Variants in PEBP1 observed in about 807,000 individuals in gnomAD.
PEBP1 encodes phosphatidylethanolamine-binding protein 1.
PEBP1 carries 17 observed loss-of-function variants against 22.7 expected under a neutral mutation model. The observed-to-expected ratio is 0.75, with a 90% CI of 0.51 to 1.12. PEBP1 has a LOEUF of 1.12. PEBP1 is among the 50% of genes most tolerant of loss of function. The pLI is 0.00. For missense variants in PEBP1, 205 were observed against 243.5 expected, an observed-to-expected ratio of 0.84 and a Z score of 1.05; for synonymous variants, 106 against 104.3, an observed-to-expected ratio of 1.02 and a Z score of -0.10.
chr12:118,137,989 T>A (rs772307154), intron 1 of PEBP1, 50 bp from the exon 2 acceptor site: 2 of 1,296,624 alleles, frequency 1.5e-6, no homozygotes, highest in Admixed American at 1.8e-5. Flanking sequence ...ACCCAGCCAG[T>A]TTCTTCAGCA....
At position 118,139,519 on chromosome 12, in the gene PEBP1, A is replaced by T; in HGVS notation, c.314A>T (p.Asp105Val). 3 of 1,613,298 alleles carry T rather than the reference A, an allele frequency of 1.9e-6. No homozygotes were observed. The highest frequency in any genetic ancestry group is 2.5e-6 in the Non-Finnish European group (3 of 1,179,614). ...ATCAGCAGTGGCACAGTCCTCTCCGATTATGTGGGCTCGGGGCCTCCCAAG... is the reference window on the plus strand; with the variant it reads ...ATCAGCAGTGGCACAGTCCTCTCCGTTTATGTGGGCTCGGGGCCTCCCAAG... ...NDISSGTVLS[D>V]YVGSGPPKGT... Residue 105 changes from aspartate to valine, a missense_variant, in exon 3 of 4, where the codon GAT becomes GTT. Coordinates refer to ENST00000261313, the MANE Select transcript of PEBP1 (RefSeq NM_002567.4).
intron 3 of PEBP1, among the ~76,000 whole-genome samples, 165 bp downstream of exon 3, chr12:118,139,716 T>C (rs535818064): frequency 6.6e-6 from 1 of 152,246 alleles, no homozygotes; most frequent in African/African-American, 2.4e-5. Flanking sequence ...CCTGCAGCAG[T>C]GTCAGGTGGC....
At position 118,144,827 on chromosome 12, in the gene PEBP1, T is replaced by G. The variant is rs766486043; in HGVS notation, c.*24T>G. ...AGGGGGTTAGCTTGGGGACCTGAAC[T>G]GTCCTGGAGGCCCCAAGCCATGTTC... On this transcript the variant is annotated 3_prime_UTR_variant, in exon 4 of 4. Transcript: ENST00000261313. 7 of 1,613,308 alleles carry G rather than the reference T, an allele frequency of 4.3e-6. No individual in the cohort carries two copies. In the East Asian group the frequency reaches 1.1e-4, roughly 26 times the overall value.
At chr12:118,142,179 T>C (rs1333133014) in intron 3 of PEBP1, among the ~76,000 whole-genome samples, 4 of 151,022 alleles carry the variant, frequency 2.6e-5, no homozygotes, top group Non-Finnish European at 4.4e-5. Flanking sequence ...GCATTCTTTT[T>C]TTTTTTTTTT....
At chr12:118,138,998 G>T (rs1393589922) in intron 2 of PEBP1, 4 of 166,018 alleles carry the variant, frequency 2.4e-5, no homozygotes. Context: ...GCAAACACAT[G>T]AGGTTCGTGC....
rs2034146494 is a variant in PEBP1, at chr12:118,145,164, G to A, written c.*361G>A. ...AAAGCATCAAAGAATCTTTAAGGGA[G>A]GTTTAAAAAAAAAAAAAAAAAAAAA... On this transcript the variant is annotated 3_prime_UTR_variant, in exon 4 of 4. Transcript: ENST00000261313. 3.9e-5 allele frequency: 10 copies of A among 258,636 alleles called. No individual in the cohort carries two copies. Among genetic ancestry groups the A allele is most frequent in the South Asian group, 7.9e-5 (2 of 25,278 alleles). The allele number at this position is 258,636 out of a possible 1,614,324, so 16.0% of individuals were successfully genotyped here.
intron 3 of PEBP1, among the ~76,000 whole-genome samples, chr12:118,140,283 G>A (rs1227301803): frequency 6.6e-6 from 1 of 152,096 alleles, no homozygotes; most frequent in Non-Finnish European, 1.5e-5. Flanking sequence ...TTTTTGTACA[G>A]CTTATCCAGC....
chr12:118,144,580 C>T lies in PEBP1; in HGVS notation c.347-6C>T. The T allele has an allele frequency of 6.2e-7, 1 of 1,610,300 alleles. No homozygotes were observed. Among genetic ancestry groups the T allele is most frequent in the Non-Finnish European group, 8.5e-7 (1 of 1,178,368 alleles). ...GTGTACATCTTCCCTCTGCCTCTCC[C>T]CACAGGCCTCCACCGCTATGTCTGG... On this transcript the variant is annotated splice_region_variant and splice_polypyrimidine_tract_variant and intron_variant, in intron 3 of 3. Transcript: ENST00000261313.
At chr12:118,141,385 G>A (rs2034112920) in intron 3 of PEBP1, among the ~76,000 whole-genome samples, 1 of 152,282 alleles carries the variant, frequency 6.6e-6, no homozygotes, top group South Asian at 2.1e-4. Context: ...AAAGTGCTGG[G>A]ATTACAGGCG....
intron 3 of PEBP1, among the ~76,000 whole-genome samples, chr12:118,140,056 GCA>G (rs3074167): frequency 0.46 from 69,677 of 151,084 alleles, 17,136 homozygotes; most frequent in African/African-American, 0.64. Flanking sequence ...TATTGAAGGC[GCA>G]CACACACACA....
intron 3 of PEBP1, among the ~76,000 whole-genome samples, chr12:118,143,905 CAAAA>C (rs5801270): frequency 8.9e-6 from 1 of 112,260 alleles, no homozygotes; most frequent in Non-Finnish European, 1.8e-5. Flanking sequence ...GACTCCGTCT[CAAAA>C]AAAAAAAAAA....
Position 118,145,266 on chromosome 12 carries a change from A to G in PEBP1, c.*463A>G, listed in dbSNP as rs989843927. 1 of 336,078 alleles carries G rather than the reference A, an allele frequency of 3.0e-6. No homozygotes were observed. The highest frequency in any genetic ancestry group is 2.2e-5 in the African/African-American group (1 of 45,994). 20.8% of individuals were successfully genotyped at this position (336,078 alleles called of 1,614,324 possible). On this transcript the variant is annotated 3_prime_UTR_variant, in exon 4 of 4. Coordinates refer to ENST00000261313, the MANE Select transcript of PEBP1 (RefSeq NM_002567.4). ...GATTTTATGGTGATGTCACTCACCT[A>G]GACAACCAGAGGCTGGCATTGAGGC...
chr12:118,139,627 T>A (rs1030710638), intron 3 of PEBP1, 76 bp downstream of exon 3: 7 of 883,646 alleles, frequency 7.9e-6, no homozygotes, highest in Non-Finnish European at 1.3e-5. Context: ...AATGCTTTTC[T>A]TTTGAGAGCC....
intron 3 of PEBP1, among the ~76,000 whole-genome samples, chr12:118,141,897 A>G (rs1156758869): frequency 6.6e-6 from 1 of 152,176 alleles, no homozygotes; most frequent in African/African-American, 2.4e-5. Flanking sequence ...TTGTTTAGCC[A>G]TTCTCTATTG....
At chr12:118,141,932 A>G (rs1292779808) in intron 3 of PEBP1, among the ~76,000 whole-genome samples, 1 of 152,164 alleles carries the variant, frequency 6.6e-6, no homozygotes, top group Non-Finnish European at 1.5e-5. Flanking sequence ...TGTTTCCAGT[A>G]TTTGGATATT....
At chr12:118,144,245 G>A (rs1399164277) in intron 3 of PEBP1, among the ~76,000 whole-genome samples, 1 of 152,032 alleles carries the variant, frequency 6.6e-6, no homozygotes, top group Non-Finnish European at 1.5e-5. Flanking sequence ...GATGAATGAA[G>A]AGCACAGAGG....
At chr12:118,139,149 C>T in intron 2 of PEBP1, 1 of 327,452 alleles carries the variant, frequency 3.1e-6, no homozygotes, top group South Asian at 2.4e-5. Context: ...CCCGTCTCTA[C>T]TAAAAATACG....
chr12:118,143,918 A>AC (rs1331888480), intron 3 of PEBP1, among the ~76,000 whole-genome samples: 2 of 151,720 alleles, frequency 1.3e-5, no homozygotes, highest in Non-Finnish European at 2.9e-5. Context: ...AAAAAAAAAA[A>AC]AAACCCACTT....
chr12:118,143,148 G>C (rs781363786), intron 3 of PEBP1, among the ~76,000 whole-genome samples: 1 of 152,050 alleles, frequency 6.6e-6, no homozygotes, highest in Non-Finnish European at 1.5e-5. Context: ...TACCATGCCC[G>C]ACCACTACAT....
Sources: gnomAD v4.1 joint callset for allele counts (sites outside exome capture counted in the v4.1 genomes callset) on GRCh38, gnomAD v4.1.1 for gene constraint, MANE v1.5 for transcripts, NCBI Gene and HGNC (gene_info 2026-07-23, HGNC 2026-07-21) for gene names.